The following AGPAT4 variants were observed in gnomAD, a reference collection of about 807,000 sequenced individuals.
AGPAT4 encodes the protein 1-acyl-sn-glycerol-3-phosphate acyltransferase delta.
A neutral mutation model predicts 48.0 loss-of-function variants in AGPAT4; 15 were observed. The ratio of observed to expected loss-of-function variants is 0.31; its 90% confidence interval spans 0.21 to 0.48. AGPAT4 has a LOEUF of 0.48. Ranked by LOEUF, AGPAT4 falls within the 20% of genes least tolerant of loss-of-function variation. The pLI is 0.99. For synonymous variants in AGPAT4, 178 were observed against 198.7 expected (o/e 0.90, Z 0.88); for missense variants, 314 against 482.5 (o/e 0.65, Z 3.27).
In AGPAT4 at chr6:161,154,580, C is replaced by T. The variant is rs1583286127; in HGVS notation, c.349-270G>A. On this transcript the variant is annotated intron_variant, in intron 3 of 8. Transcript: ENST00000320285. This position sits in a 1 kb window ranked among gnomAD's most constrained non-coding sequence, Gnocchi z 7.8. ...CAGACGGCAGGAGTCAAGAAGGCAG[C>T]AGCGAGCAGTCACAGGTATTCAGGG... is the stretch of plus-strand genomic sequence containing the variant. Among the ~76,000 whole-genome samples the T allele has an allele frequency of 6.6e-6, 1 of 152,152 alleles. No individual in the cohort carries two copies. Among genetic ancestry groups the T allele is most frequent in the East Asian group, 1.9e-4 (1 of 5,168 alleles).
chr6:161,174,664 C>A (rs1247426102), intron 2 of AGPAT4, among the ~76,000 whole-genome samples: 3 of 152,148 alleles, frequency 2.0e-5, no homozygotes, highest in Non-Finnish European at 4.4e-5. Flanking sequence ...ATTGCCCTGG[C>A]CAGAACTTCC....
rs1409553645 is a variant in AGPAT4, at chr6:161,138,455, G to T, written c.1042+967C>A. Among the ~76,000 whole-genome samples the T allele has an allele frequency of 1.3e-5, 2 of 152,160 alleles. No individual in the cohort carries two copies. The highest frequency in any genetic ancestry group is 4.8e-5 in the African/African-American group (2 of 41,438). On this transcript the variant is annotated intron_variant, in intron 8 of 8. Coordinates refer to ENST00000320285, the MANE Select transcript of AGPAT4 (RefSeq NM_020133.3). This position sits in a 1 kb window ranked among gnomAD's most constrained non-coding sequence, Gnocchi z 4.8. ...AAAGGCGAGCTGAAGAAACTCCACTGATACGGGTTTATAGATGCACATATG... is the reference window on the plus strand; with the variant it reads ...AAAGGCGAGCTGAAGAAACTCCACTTATACGGGTTTATAGATGCACATATG...
intron 1 of AGPAT4, among the ~76,000 whole-genome samples, chr6:161,271,945 C>T (rs1279888149): frequency 6.6e-6 from 1 of 152,192 alleles, no homozygotes; most frequent in Non-Finnish European, 1.5e-5. Flanking sequence ...TTGCAAACAT[C>T]AGATGCTCAC....
Position 161,233,734 on chromosome 6 carries a change from G to A in AGPAT4, c.-89-1432C>T, listed in dbSNP as rs1303273131. Among the ~76,000 whole-genome samples, 2 of 152,204 alleles carry A rather than the reference G, an allele frequency of 1.3e-5. No individual in the cohort carries two copies. On this transcript the variant is annotated intron_variant, in intron 1 of 8. Coordinates refer to ENST00000320285, the MANE Select transcript of AGPAT4 (RefSeq NM_020133.3). This position sits in a 1 kb window ranked among gnomAD's most constrained non-coding sequence, Gnocchi z 5.4. Reference sequence around the variant, plus strand: ...ATGTTTAAGGCAGGCGAGGCTAAACGATGATGTTTGGTAGGTGAGGTGCAT... The same window carrying A: ...ATGTTTAAGGCAGGCGAGGCTAAACAATGATGTTTGGTAGGTGAGGTGCAT...
intron 2 of AGPAT4, among the ~76,000 whole-genome samples, chr6:161,170,450 TGCGCGTGCACACGTGC>T (rs937755711): frequency 2.1e-5 from 3 of 145,896 alleles, no homozygotes; most frequent in Non-Finnish European, 4.5e-5. Flanking sequence ...TTTATACACA[TGCGCGTGCACACGTGC>T]GCGCGCGCAC....
At chr6:161,163,124 A>T (rs2114976551) in intron 3 of AGPAT4, among the ~76,000 whole-genome samples, 1 of 152,380 alleles carries the variant, frequency 6.6e-6, no homozygotes, top group South Asian at 2.1e-4. Context: ...TACATTTAAA[A>T]GGTTGAAAGC....
rs150489934 is a variant in AGPAT4 at position 161,178,335 on chromosome 6, G to A, written c.179-11918C>T. ...TACCTACTCAAGCCTCAGCAATGGC[G>A]GATGCCCCTCCCCGAACCTCGCTGC... On this transcript the variant is annotated intron_variant, in intron 2 of 8. Coordinates refer to ENST00000320285, the MANE Select transcript of AGPAT4 (RefSeq NM_020133.3). The surrounding 1 kb of genome is among the most constrained non-coding windows in gnomAD (Gnocchi z 5.1). Among the ~76,000 whole-genome samples the A allele has an allele frequency of 0.03, 4,499 of 152,304 alleles. 83 individuals are homozygous for A. The highest frequency in any genetic ancestry group is 0.054 in the Middle Eastern group (16 of 294).
Position 161,233,474 on chromosome 6 carries a change from A to T in AGPAT4, c.-89-1172T>A, listed in dbSNP as rs551851056. Among the ~76,000 whole-genome samples, 20 of 152,326 alleles carry T rather than the reference A, an allele frequency of 1.3e-4. No homozygotes were observed. The highest frequency in any genetic ancestry group is 4.8e-4 in the African/African-American group (20 of 41,578). On this transcript the variant is annotated intron_variant, in intron 1 of 8. Coordinates refer to ENST00000320285, the MANE Select transcript of AGPAT4 (RefSeq NM_020133.3). The surrounding 1 kb of genome is among the most constrained non-coding windows in gnomAD (Gnocchi z 5.4). ...GTTACAATCTTTTTTAATAATGAACAATCTGTATACAGATGGTCCTCGACT... is the reference window on the plus strand; with the variant it reads ...GTTACAATCTTTTTTAATAATGAACTATCTGTATACAGATGGTCCTCGACT...
chr6:161,250,094 GA>G (rs1392474519), intron 1 of AGPAT4, among the ~76,000 whole-genome samples: 1 of 148,718 alleles, frequency 6.7e-6, no homozygotes, highest in Non-Finnish European at 1.5e-5. Flanking sequence ...TGCAGAAACA[GA>G]AAACCAAACA....
Position 161,180,123 on chromosome 6 carries a change from C to T in AGPAT4, c.179-13706G>A, listed in dbSNP as rs1232283060. Among the ~76,000 whole-genome samples the T allele has an allele frequency of 3.3e-5, 5 of 152,140 alleles. No homozygotes were observed. Among genetic ancestry groups the T allele is most frequent in the African/African-American group, 4.8e-5 (2 of 41,424 alleles). ...GACCTGGCTGCATTCTGGTCAGGAT[C>T]CCAGGGATGCCTATCCTCCCTGGAG... On this transcript the variant is annotated intron_variant, in intron 2 of 8. Transcript: ENST00000320285. This position sits in a 1 kb window ranked among gnomAD's most constrained non-coding sequence, Gnocchi z 6.4.
chr6:161,248,936 C>T (rs533980869), intron 1 of AGPAT4, among the ~76,000 whole-genome samples: 1 of 152,118 alleles, frequency 6.6e-6, no homozygotes, highest in Non-Finnish European at 1.5e-5. Flanking sequence ...GCTACAGTAA[C>T]CAAATGGGCA....
At chr6:161,192,142 C>CT (rs573872820) in intron 2 of AGPAT4, among the ~76,000 whole-genome samples, 2,767 of 45,830 alleles carry the variant, frequency 0.06, 29 homozygotes, top group Non-Finnish European at 0.079. Context: ...AGAAGTTATA[C>CT]TTTTTTTTTT....
At chr6:161,181,329 C>G (rs1780582979) in intron 2 of AGPAT4, among the ~76,000 whole-genome samples, 1 of 152,128 alleles carries the variant, frequency 6.6e-6, no homozygotes, top group Admixed American at 6.5e-5. Context: ...TGGTGCCAAG[C>G]AGTCCCTTTG....
chr6:161,263,104 C>A (rs961869571), intron 1 of AGPAT4, among the ~76,000 whole-genome samples: 1 of 139,612 alleles, frequency 7.2e-6, no homozygotes, highest in African/African-American at 2.8e-5. Flanking sequence ...TTCTCGGCGG[C>A]GGTGGGCGGG....
In AGPAT4 at chr6:161,149,055, T is replaced by C. The variant is rs954043327; in HGVS notation, c.767+132A>G. On this transcript the variant is annotated intron_variant, in intron 6 of 8. Transcript: ENST00000320285. This position sits in a 1 kb window ranked among gnomAD's most constrained non-coding sequence, Gnocchi z 6.5. ...CATTCCAATAGTAGGATGTGTCAAA[T>C]TCAATGCAAAACAGACTGCAAAGAA... 2 of 1,259,200 alleles carry C rather than the reference T, an allele frequency of 1.6e-6. No individual in the cohort carries two copies. The highest frequency in any genetic ancestry group is 3.0e-5 in the African/African-American group (2 of 65,846). The allele number at this position is 1,259,200 out of a possible 1,614,324, so 78.0% of individuals were successfully genotyped here.
intron 2 of AGPAT4, among the ~76,000 whole-genome samples, chr6:161,176,940 TCTTTTC>T (rs1182701039): frequency 1.9e-4 from 29 of 152,332 alleles, no homozygotes; most frequent in Non-Finnish European, 3.7e-4. Flanking sequence ...GGTTGAAAAT[TCTTTTC>T]TTTAAGAATG....
rs1253698040 is a variant in AGPAT4 at position 161,217,180 on chromosome 6, G to C, written c.178+14856C>G. ...GCGGAGTGAGCACAGGCGTGGGGAC[G>C]CGAAAGGACAGGGGAACACCGGAGA... is the stretch of plus-strand genomic sequence containing the variant. On this transcript the variant is annotated intron_variant, in intron 2 of 8. Coordinates refer to ENST00000320285, the MANE Select transcript of AGPAT4 (RefSeq NM_020133.3). The surrounding 1 kb of genome is among the most constrained non-coding windows in gnomAD (Gnocchi z 4.9). Among the ~76,000 whole-genome samples, 1 of 152,204 alleles carries C rather than the reference G, an allele frequency of 6.6e-6. No homozygotes were observed. Among genetic ancestry groups the C allele is most frequent in the South Asian group, 2.1e-4 (1 of 4,830 alleles).
rs1780109424 is a variant in AGPAT4, at chr6:161,166,674, A to G, written c.179-257T>C. Reference sequence around the variant, plus strand: ...TAAATGACTTACTCCTTGATTAAGTATCTTGGGGGAAAATAAATCAGAAAG... The same window carrying G: ...TAAATGACTTACTCCTTGATTAAGTGTCTTGGGGGAAAATAAATCAGAAAG... On this transcript the variant is annotated intron_variant, in intron 2 of 8. Coordinates refer to ENST00000320285, the MANE Select transcript of AGPAT4 (RefSeq NM_020133.3). This position sits in a 1 kb window ranked among gnomAD's most constrained non-coding sequence, Gnocchi z 6.7. Among the ~76,000 whole-genome samples, 1 of 152,234 alleles carries G rather than the reference A, an allele frequency of 6.6e-6. No homozygotes were observed. The highest frequency in any genetic ancestry group is 1.5e-5 in the Non-Finnish European group (1 of 68,032).
chr6:161,232,124 G>A lies in AGPAT4; in HGVS notation c.90C>T (p.Thr30=). 6.2e-7 allele frequency: 1 copy of A among 1,614,152 alleles called. No individual in the cohort carries two copies. ...VFIASGLIIN[T]IQLFTLLLWP... is the part of the protein sequence containing the mutation. ...AGAGGAGGAGAGTGAAGAGCTGAATGGTGTTGATGATTAGCCCTGAGGCAA... is the reference window on the plus strand; with the variant it reads ...AGAGGAGGAGAGTGAAGAGCTGAATAGTGTTGATGATTAGCCCTGAGGCAA... Residue 30 remains threonine, a synonymous_variant, in exon 2 of 9, where the codon ACC becomes ACT. Transcript: ENST00000320285. The surrounding 1 kb of genome is among the most constrained non-coding windows in gnomAD (Gnocchi z 6.8).
Sources: gnomAD v4.1 joint callset for allele counts (sites outside exome capture counted in the v4.1 genomes callset) on GRCh38, gnomAD v4.1.1 for gene constraint, Gnocchi (gnomAD v3.1) non-coding constraint, MANE v1.5 for transcripts, NCBI Gene and HGNC (gene_info 2026-07-23, HGNC 2026-07-21) for gene names.